Variants in LINGO2 observed in about 807,000 individuals in gnomAD.
LINGO2 encodes the protein leucine-rich repeat and immunoglobulin-like domain-containing nogo receptor-interacting protein 2.
A neutral mutation model predicts 30.6 loss-of-function variants in LINGO2; 14 were observed. The ratio of observed to expected loss-of-function variants is 0.46; its 90% CI spans 0.30 to 0.72. LINGO2 has a LOEUF of 0.72. Among genes scored for constraint, LINGO2 ranks in the 30% least tolerant of loss-of-function variants. The pLI, the probability that LINGO2 is intolerant of heterozygous loss-of-function variation, is 0.07. For synonymous variants in LINGO2, 317 were observed against 288.5 expected (o/e 1.10, Z -1.00); for missense variants, 729 against 751.7 (o/e 0.97, Z 0.35).
At chr9:28,881,480 A>C in the LINGO2 span, among the ~76,000 whole-genome samples, 1 of 152,204 alleles carries the variant, frequency 6.6e-6, no homozygotes, top group Non-Finnish European at 1.5e-5. Context: ...TACTTTCCTA[A>C]GAAAGCATTT....
At chr9:28,755,549 A>T in the LINGO2 span, among the ~76,000 whole-genome samples, 1 of 152,124 alleles carries the variant, frequency 6.6e-6, no homozygotes, top group African/African-American at 2.4e-5. Flanking sequence ...TTCTCTGCCA[A>T]GGCTATGTGC....
chr9:29,166,889 G>A, the LINGO2 span, among the ~76,000 whole-genome samples: 1 of 151,986 alleles, frequency 6.6e-6, no homozygotes, highest in East Asian at 1.9e-4. Flanking sequence ...TCATGAAATG[G>A]ATAAAATACT....
At chr9:29,205,100 G>C in the LINGO2 span, among the ~76,000 whole-genome samples, 1 of 152,056 alleles carries the variant, frequency 6.6e-6, no homozygotes, top group African/African-American at 2.4e-5. Flanking sequence ...GAGTGCAGTG[G>C]TGCATTCTTG....
chr9:28,845,847 T>C, the LINGO2 span, among the ~76,000 whole-genome samples: 1 of 151,750 alleles, frequency 6.6e-6, no homozygotes, highest in African/African-American at 2.4e-5. Flanking sequence ...TTTTAATGTA[T>C]CTATGTGCCA....
chr9:28,730,105 A>G, the LINGO2 span, among the ~76,000 whole-genome samples: 1 of 152,188 alleles, frequency 6.6e-6, no homozygotes, highest in Non-Finnish European at 1.5e-5. Flanking sequence ...ATTTTCAGAC[A>G]TATTCTCAAA....
At chr9:28,817,545 C>T in the LINGO2 span, among the ~76,000 whole-genome samples, 4 of 151,954 alleles carry the variant, frequency 2.6e-5, no homozygotes, top group Admixed American at 6.6e-5. Context: ...GCTGAGCCCA[C>T]GACCCACTTT....
chr9:28,962,601 G>A, the LINGO2 span, among the ~76,000 whole-genome samples: 1 of 151,682 alleles, frequency 6.6e-6, no homozygotes, highest in Non-Finnish European at 1.5e-5. Context: ...ATATTTTACT[G>A]TAAAAGTATC....
chr9:28,399,472 A>G (rs1822176626), intron 2 of LINGO2, among the ~76,000 whole-genome samples: 1 of 152,218 alleles, frequency 6.6e-6, no homozygotes, highest in Admixed American at 6.5e-5. Context: ...TTAGGCAAAT[A>G]AAAATAATTA....
chr9:28,924,414 T>C, the LINGO2 span, among the ~76,000 whole-genome samples: 4 of 152,052 alleles, frequency 2.6e-5, no homozygotes, highest in Non-Finnish European at 5.9e-5. Context: ...AGAGACAGGA[T>C]TTCGTCATGT....
intron 4 of LINGO2, among the ~76,000 whole-genome samples, chr9:28,140,476 C>T (rs137863579): frequency 1.3e-5 from 2 of 152,200 alleles, no homozygotes; most frequent in East Asian, 3.9e-4. Context: ...GCACACACAT[C>T]ATTTAAACCT....
chr9:28,520,418 T>C (rs1820785571), intron 1 of LINGO2, among the ~76,000 whole-genome samples: 1 of 152,206 alleles, frequency 6.6e-6, no homozygotes, highest in Admixed American at 6.5e-5. Context: ...ATCCATTTAT[T>C]ACCTCTTCAG....
chr9:29,192,494 AT>A, the LINGO2 span, among the ~76,000 whole-genome samples: 1 of 152,196 alleles, frequency 6.6e-6, no homozygotes. Flanking sequence ...TGTAATGGAA[AT>A]AATACAGAAA....
chr9:27,986,281 C>T (rs1327569438), intron 5 of LINGO2, among the ~76,000 whole-genome samples: 4 of 151,494 alleles, frequency 2.6e-5, no homozygotes, highest in African/African-American at 9.7e-5. Flanking sequence ...AGCAGTTAAT[C>T]TTCAGGACAT....
the LINGO2 span, chr9:27,938,467 G>C: frequency 6.6e-6 from 1 of 152,134 alleles, no homozygotes; most frequent in Admixed American, 6.6e-5. Flanking sequence ...TTGAGAGATG[G>C]GGATGCAGAG....
intron 5 of LINGO2, among the ~76,000 whole-genome samples, chr9:27,997,013 T>C (rs1821698436): frequency 6.6e-6 from 1 of 152,196 alleles, no homozygotes; most frequent in African/African-American, 2.4e-5. Flanking sequence ...TTTCAAAAAT[T>C]CTCTTATGTC....
chr9:28,812,576 T>C, the LINGO2 span, among the ~76,000 whole-genome samples: 1 of 152,178 alleles, frequency 6.6e-6, no homozygotes, highest in African/African-American at 2.4e-5. Context: ...CCTAGCTACA[T>C]GCACCAAGAG....
the LINGO2 span, among the ~76,000 whole-genome samples, chr9:28,904,722 T>A: frequency 2.0e-5 from 3 of 152,052 alleles, no homozygotes; most frequent in African/African-American, 7.2e-5. Context: ...GTAATCTATT[T>A]TGTGTATATG....
chr9:28,562,424 T>C (rs1587868118), intron 1 of LINGO2, among the ~76,000 whole-genome samples: 1 of 116,192 alleles, frequency 8.6e-6, no homozygotes, highest in East Asian at 2.6e-4. Flanking sequence ...TTCAATATTC[T>C]TCAACAGGAA....
chr9:28,288,420 AT>A (rs1431786139), intron 4 of LINGO2, among the ~76,000 whole-genome samples: 3 of 152,104 alleles, frequency 2.0e-5, no homozygotes, highest in Non-Finnish European at 2.9e-5. Context: ...GCTTTTTAAT[AT>A]TTCTAACAGT....
Sources: allele counts gnomAD v4.1 joint callset (sites outside exome capture counted in the v4.1 genomes callset), GRCh38; gene constraint gnomAD v4.1.1; transcripts MANE v1.5; gene names NCBI Gene and HGNC (gene_info 2026-07-23, HGNC 2026-07-21).